ASTN2: variants seen among roughly 807,000 people sequenced by gnomAD.
ASTN2 encodes astrotactin-2.
In ASTN2, 54 loss-of-function variants were observed where a neutral mutation model predicts 139.8. The observed-to-expected ratio is 0.39, with a 90% CI of 0.31 to 0.48. ASTN2 has a LOEUF of 0.48. Among genes scored for constraint, ASTN2 ranks in the 20% least tolerant of loss-of-function variants. The pLI, the probability that ASTN2 is intolerant of heterozygous loss-of-function variation, is 0.95. For missense variants in ASTN2, 1,565 were observed against 1,725.1 expected, an observed-to-expected ratio of 0.91 and a Z score of 1.64; for synonymous variants, 756 against 719.5, an observed-to-expected ratio of 1.05 and a Z score of -0.81.
Position 117,128,270 on chromosome 9 carries a change from A to C in ASTN2, c.1168+13056T>G, listed in dbSNP as rs185509360. Among the ~76,000 whole-genome samples the C allele has an allele frequency of 3.4e-3, 513 of 149,436 alleles. 11 individuals are homozygous for C. The East Asian group carries it at 0.059, about 17-fold the overall frequency. ...GTGCCTGTAGTCCCAGCTACTCAGG[A>C]GGCTGAGGCAGGAGAATTGCTTGAA... On this transcript the variant is annotated intron_variant, in intron 4 of 22. Transcript: ENST00000313400.
intron 3 of ASTN2, among the ~76,000 whole-genome samples, chr9:117,177,637 T>C (rs1830950114): frequency 6.6e-6 from 1 of 152,188 alleles, no homozygotes; most frequent in Non-Finnish European, 1.5e-5. Context: ...GCAAATTGCA[T>C]CTTCTCAGTC....
intron 20 of ASTN2, 46 bp downstream of exon 20, chr9:116,487,313 A>T (rs1479314440): frequency 6.2e-7 from 1 of 1,604,986 alleles, no homozygotes; most frequent in Non-Finnish European, 8.5e-7. Context: ...TAGGCTTAAA[A>T]TCATCCTGTC....
At chr9:117,211,043 T>C (rs1311175801) in intron 3 of ASTN2, among the ~76,000 whole-genome samples, 2 of 149,786 alleles carry the variant, frequency 1.3e-5, no homozygotes, top group Non-Finnish European at 3.0e-5. Context: ...CTTAATAAAT[T>C]AGTCACAGAA....
At chr9:116,492,497 A>G (rs553308969) in intron 19 of ASTN2, among the ~76,000 whole-genome samples, 2 of 152,330 alleles carry the variant, frequency 1.3e-5, no homozygotes, top group African/African-American at 4.8e-5. Flanking sequence ...AGAGAAGGAC[A>G]GTGACAGGTC....
intron 10 of ASTN2, among the ~76,000 whole-genome samples, chr9:116,948,112 A>T (rs1164263731): frequency 6.6e-6 from 1 of 152,196 alleles, no homozygotes. Context: ...GCATTCTATC[A>T]AGTGGTCCAT....
intron 2 of ASTN2, among the ~76,000 whole-genome samples, chr9:117,220,791 A>G (rs1307644750): frequency 6.6e-6 from 1 of 152,186 alleles, no homozygotes; most frequent in African/African-American, 2.4e-5. Context: ...AGTGTGCAGT[A>G]ATTTAAATGG....
At chr9:117,038,647 C>A (rs1335489384) in intron 6 of ASTN2, among the ~76,000 whole-genome samples, 6 of 152,058 alleles carry the variant, frequency 3.9e-5, no homozygotes, top group African/African-American at 1.4e-4. Context: ...GTAAAAAGTT[C>A]TAAAACTAAA....
chr9:117,089,946 A>G (rs779720519), intron 5 of ASTN2, among the ~76,000 whole-genome samples: 1 of 152,178 alleles, frequency 6.6e-6, no homozygotes, highest in East Asian at 1.9e-4. Flanking sequence ...CAACAAATAG[A>G]CTTAGACAGA....
At chr9:117,310,233 G>A (rs971608960) in intron 1 of ASTN2, among the ~76,000 whole-genome samples, 1 of 152,126 alleles carries the variant, frequency 6.6e-6, no homozygotes, top group African/African-American at 2.4e-5. Context: ...TAACTTACCT[G>A]TAAAATAGGT....
intron 2 of ASTN2, among the ~76,000 whole-genome samples, chr9:117,217,962 T>C (rs1217266255): frequency 6.6e-6 from 1 of 152,188 alleles, no homozygotes; most frequent in African/African-American, 2.4e-5. Context: ...TACATTAAGT[T>C]GGAAACTCAG....
At chr9:117,265,864 A>G (rs1210996271) in intron 2 of ASTN2, among the ~76,000 whole-genome samples, 1 of 152,188 alleles carries the variant, frequency 6.6e-6, no homozygotes, top group Admixed American at 6.5e-5. Context: ...GGGATTATCG[A>G]ATACCCTTAG....
At chr9:116,854,131 A>G (rs1387661401) in intron 11 of ASTN2, among the ~76,000 whole-genome samples, 1 of 152,174 alleles carries the variant, frequency 6.6e-6, no homozygotes, top group Non-Finnish European at 1.5e-5. Context: ...TCTCTGGCTC[A>G]GTTTTCCCAT....
intron 10 of ASTN2, among the ~76,000 whole-genome samples, chr9:116,941,769 C>T (rs761469550): frequency 1.3e-4 from 20 of 152,144 alleles, no homozygotes; most frequent in Non-Finnish European, 2.5e-4. Flanking sequence ...TACAGACTTT[C>T]TTTGGAGGCT....
intron 5 of ASTN2, among the ~76,000 whole-genome samples, chr9:117,045,315 TG>T (rs201416754): frequency 1.8e-5 from 2 of 113,916 alleles, no homozygotes; most frequent in Admixed American, 9.0e-5. Context: ...TCATATTGCC[TG>T]AGTATTTTTT....
intron 6 of ASTN2, among the ~76,000 whole-genome samples, chr9:117,016,076 T>A (rs894548244): frequency 2.6e-5 from 4 of 152,152 alleles, no homozygotes; most frequent in Non-Finnish European, 4.4e-5. Context: ...ATAGATTAAA[T>A]ATTTTCACTC....
intron 13 of ASTN2, among the ~76,000 whole-genome samples, chr9:116,748,695 A>G (rs1829317938): frequency 6.6e-6 from 1 of 152,206 alleles, no homozygotes. Flanking sequence ...CCAAGGGTGA[A>G]GGCGACTGAC....
intron 11 of ASTN2, among the ~76,000 whole-genome samples, chr9:116,839,087 A>G (rs756635861): frequency 3.7e-4 from 56 of 152,236 alleles, no homozygotes; most frequent in Admixed American, 1.4e-3. Flanking sequence ...ACCTCCTACT[A>G]ATAGTACTCC....
At chr9:116,718,220 A>G (rs930927460) in intron 16 of ASTN2, among the ~76,000 whole-genome samples, 3 of 151,816 alleles carry the variant, frequency 2.0e-5, no homozygotes, top group East Asian at 1.9e-4. Context: ...CAAAAATGGG[A>G]AAAAAAAATC....
At chr9:117,147,763 T>C (rs565363282) in intron 3 of ASTN2, among the ~76,000 whole-genome samples, 2 of 152,220 alleles carry the variant, frequency 1.3e-5, no homozygotes, top group Non-Finnish European at 2.9e-5. Context: ...TGTTACATGG[T>C]TTTTCCAGGT....
Sources: gnomAD v4.1 joint callset for allele counts (sites outside exome capture counted in the v4.1 genomes callset) on GRCh38, gnomAD v4.1.1 for gene constraint, MANE v1.5 for transcripts, NCBI Gene and HGNC (gene_info 2026-07-23, HGNC 2026-07-21) for gene names.